Variants in SVIL observed in about 807,000 individuals in gnomAD.
The protein encoded by SVIL is archvillin.
A neutral mutation model predicts 240.4 loss-of-function variants in SVIL; 101 were observed. The observed-to-expected ratio is 0.42, with a 90% CI of 0.36 to 0.50. The LOEUF is 0.50. Ranked by LOEUF, SVIL falls within the 20% of genes least tolerant of loss-of-function variation. SVIL has a pLI of 0.01. For synonymous variants in SVIL, 999 were observed against 1,100.0 expected (o/e 0.91, Z 1.82); for missense variants, 2,512 against 2,818.7 (o/e 0.89, Z 2.46).
At chr10:29,579,434 T>C (rs1318808492) in intron 1 of SVIL, among the ~76,000 whole-genome samples, 1 of 151,746 alleles carries the variant, frequency 6.6e-6, no homozygotes, top group Non-Finnish European at 1.5e-5. Context: ...CAAGACTCCG[T>C]CTCAAAAAAA....
At chr10:29,722,470 T>C (rs1369203034) in intron 1 of SVIL, among the ~76,000 whole-genome samples, 3 of 152,134 alleles carry the variant, frequency 2.0e-5, no homozygotes, top group African/African-American at 7.2e-5. Flanking sequence ...GGCAATATTA[T>C]ACCTCAATAC....
intron 1 of SVIL, among the ~76,000 whole-genome samples, chr10:29,715,596 A>C (rs568501046): frequency 6.6e-6 from 1 of 152,178 alleles, no homozygotes; most frequent in Non-Finnish European, 1.5e-5. Context: ...ATTACATCCC[A>C]CAGACTGTCC....
At chr10:29,514,855 G>T (rs1410620033) in intron 16 of SVIL, among the ~76,000 whole-genome samples, 1 of 152,140 alleles carries the variant, frequency 6.6e-6, no homozygotes, top group African/African-American at 2.4e-5. Context: ...GATGGGATGA[G>T]ATATATTCTA....
Position 29,484,601 on chromosome 10 carries a change from G to A in SVIL, c.4955+55C>T. Reference sequence around the variant, plus strand: ...TAGAGGACTGTGGTGAGAACAGAGGGATCGAAGGGAATCAGCTCGCTTGAA... The same window carrying A: ...TAGAGGACTGTGGTGAGAACAGAGGAATCGAAGGGAATCAGCTCGCTTGAA... On this transcript the variant is annotated intron_variant, in intron 27 of 37. Coordinates refer to ENST00000355867, the MANE Select transcript of SVIL (RefSeq NM_021738.3). The surrounding 1 kb of genome is among the most constrained non-coding windows in gnomAD (Gnocchi z 4.7). 4 of 1,535,276 alleles carry A rather than the reference G, an allele frequency of 2.6e-6. No homozygotes were observed. The highest frequency in any genetic ancestry group is 4.6e-5 in the East Asian group (2 of 43,868).
chr10:29,642,397 C>A (rs2505913), intron 3 of SVIL, among the ~76,000 whole-genome samples: 72,703 of 147,946 alleles, frequency 0.49, 18,398 homozygotes, highest in African/African-American at 0.63. Flanking sequence ...GCCTCAAAAA[C>A]AGAAAGAAAG....
chr10:29,533,066 C>T lies in SVIL; in HGVS notation c.1301G>A (p.Gly434Glu), dbSNP rs757246613. ...ESKAEEEEGE[G>E]EGEEKEEDVC... ...ATCTTCTTCTTTTTCTTCTCCTTCT[C>T]CTTCCCCTTCTTCTTCTTCTGCTTT... The change falls in exon 8 of 38, where the codon GGA becomes GAA. Residue 434 changes from glycine (G) to glutamate (E), a missense_variant. Transcript: ENST00000355867. 30 of 1,613,894 alleles carry T rather than the reference C, an allele frequency of 1.9e-5. No individual in the cohort carries two copies. The highest frequency in any genetic ancestry group is 1.6e-4 in the Middle Eastern group (1 of 6,084).
chr10:29,705,484 T>C (rs1208425479), intron 1 of SVIL, among the ~76,000 whole-genome samples: 1 of 151,990 alleles, frequency 6.6e-6, no homozygotes, highest in Non-Finnish European at 1.5e-5. Flanking sequence ...TTCAAATCTT[T>C]TTTTTTTTTA....
At chr10:29,719,764 C>A in intron 1 of SVIL, among the ~76,000 whole-genome samples, 1 of 151,710 alleles carries the variant, frequency 6.6e-6, no homozygotes. Context: ...ATAGAAATAT[C>A]CAAAATGAAA....
chr10:29,697,586 G>T lies in SVIL; in HGVS notation c.-399-10935C>A, dbSNP rs1287332791. On this transcript the variant is annotated intron_variant, in intron 1 of 35. Transcript: ENST00000375400. ...GTTAAATGGATTAAGGGCGGTGCAAGATGTGCTTTGTTAAACAGATGCTTG... is the reference window on the plus strand; with the variant it reads ...GTTAAATGGATTAAGGGCGGTGCAATATGTGCTTTGTTAAACAGATGCTTG... 2.5e-5 allele frequency among the ~76,000 whole-genome samples: 3 copies of T among 121,416 alleles called. 1 individual carries two copies. The Admixed American group carries it at 2.7e-4, about 11-fold the overall frequency. 79.7% of individuals were successfully genotyped at this position (121,416 alleles called of 152,430 possible). A position where few individuals can be genotyped will look rare whatever the true frequency, so the allele number is the denominator to read the frequency against.
At position 29,490,792 on chromosome 10, in the gene SVIL, C is replaced by T. The variant is rs1426698519; in HGVS notation, c.4192+55G>A. ...GCAGAAAACCAAGCAATGAGTAGAG[C>T]ATCGGAAGAAGCCATTCCCAAACAC... On this transcript the variant is annotated intron_variant, in intron 22 of 37. Transcript: ENST00000355867. The T allele has an allele frequency of 1.9e-6, 3 of 1,600,332 alleles. No homozygotes were observed. In the East Asian group the frequency reaches 6.7e-5, roughly 36 times the overall value.
chr10:29,656,770 G>T (rs373007610), intron 3 of SVIL, among the ~76,000 whole-genome samples: 1 of 152,104 alleles, frequency 6.6e-6, no homozygotes, highest in Non-Finnish European at 1.5e-5. Context: ...CCATCTCCTC[G>T]GCTGCAGCAC....
chr10:29,614,800 T>G (rs926779771), intron 1 of SVIL, among the ~76,000 whole-genome samples: 1 of 152,088 alleles, frequency 6.6e-6, no homozygotes, highest in Non-Finnish European at 1.5e-5. Flanking sequence ...TCCCAGAACT[T>G]AAAGTATAAA....
intron 16 of SVIL, among the ~76,000 whole-genome samples, chr10:29,517,395 C>A (rs980732598): frequency 1.3e-5 from 2 of 151,932 alleles, no homozygotes; most frequent in Non-Finnish European, 2.9e-5. Context: ...CCACTGCACT[C>A]CAGCCTGGAC....
chr10:29,543,410 ATG>A (rs1384169333), intron 6 of SVIL, among the ~76,000 whole-genome samples: 2 of 152,300 alleles, frequency 1.3e-5, no homozygotes, highest in Admixed American at 6.5e-5. Flanking sequence ...ACTTTCATTA[ATG>A]TCCCCCAAGA....
intron 3 of SVIL, among the ~76,000 whole-genome samples, chr10:29,648,206 C>T (rs17779017): frequency 0.16 from 24,559 of 152,048 alleles, 2,078 homozygotes; most frequent in Middle Eastern, 0.24. Context: ...GGTTCACAAA[C>T]GTTACTTGTA....
intron 1 of SVIL, among the ~76,000 whole-genome samples, chr10:29,703,940 C>T (rs1361098078): frequency 6.6e-6 from 1 of 152,108 alleles, no homozygotes; most frequent in African/African-American, 2.4e-5. Flanking sequence ...TAGCTAGGAC[C>T]ACAGCCACAT....
chr10:29,637,488 G>A (rs931392730), upstream of SVIL, among the ~76,000 whole-genome samples: 21 of 152,096 alleles, frequency 1.4e-4, no homozygotes, highest in African/African-American at 3.6e-4. Context: ...GTGAGACTCC[G>A]TCTCAAAAGA....
At chr10:29,581,979 G>A (rs1353778502) in intron 1 of SVIL, among the ~76,000 whole-genome samples, 1 of 152,188 alleles carries the variant, frequency 6.6e-6, no homozygotes, top group African/African-American at 2.4e-5. Flanking sequence ...GACAAATACT[G>A]TACAATCCCA....
At chr10:29,706,626 T>A (rs1295327671) in intron 1 of SVIL, among the ~76,000 whole-genome samples, 1 of 152,230 alleles carries the variant, frequency 6.6e-6, no homozygotes, top group Non-Finnish European at 1.5e-5. Flanking sequence ...GATGATAGTT[T>A]CTTTTGCTGT....
Sources: gnomAD v4.1 joint callset for allele counts (sites outside exome capture counted in the v4.1 genomes callset) on GRCh38, gnomAD v4.1.1 for gene constraint, Gnocchi (gnomAD v3.1) non-coding constraint, MANE v1.5 for transcripts, NCBI Gene and HGNC (gene_info 2026-07-23, HGNC 2026-07-21) for gene names.